PTPRT: variants seen among roughly 807,000 people sequenced by gnomAD.
The protein encoded by PTPRT is receptor-type tyrosine-protein phosphatase T.
A neutral mutation model predicts 176.8 loss-of-function variants in PTPRT; 56 were observed. That is an observed-to-expected ratio of 0.32 (90% confidence interval 0.26 to 0.40). PTPRT has a LOEUF of 0.40. PTPRT is among the 10% of genes least tolerant of loss of function. The pLI, the probability that PTPRT is intolerant of heterozygous loss-of-function variation, is 1.00. For synonymous variants in PTPRT, 783 were observed against 739.0 expected (o/e 1.06, Z -0.96); for missense variants, 1,540 against 1,908.2 (o/e 0.81, Z 3.60).
At chr20:43,019,079 G>A (rs949190993) in intron 1 of PTPRT, among the ~76,000 whole-genome samples, 1 of 151,978 alleles carries the variant, frequency 6.6e-6, no homozygotes, top group African/African-American at 2.4e-5. Flanking sequence ...CCCTACAATA[G>A]TACTGAGTAA....
At chr20:42,099,219 C>CT (rs10690128) in intron 26 of PTPRT, among the ~76,000 whole-genome samples, 51 of 151,434 alleles carry the variant, frequency 3.4e-4, no homozygotes, top group Non-Finnish European at 4.4e-4. Flanking sequence ...TTGTAGAGTG[C>CT]TTTTTTTTTG....
chr20:42,308,694 G>A (rs897811722), intron 12 of PTPRT, among the ~76,000 whole-genome samples: 1 of 152,158 alleles, frequency 6.6e-6, no homozygotes, highest in Non-Finnish European at 1.5e-5. Context: ...AACTGTTCAA[G>A]TTCACATAGC....
intron 12 of PTPRT, among the ~76,000 whole-genome samples, chr20:42,310,891 T>C (rs1171772938): frequency 1.3e-5 from 2 of 152,302 alleles, no homozygotes; most frequent in South Asian, 4.1e-4. Flanking sequence ...TGTGAACAAC[T>C]CTTGTGTCAT....
intron 1 of PTPRT, among the ~76,000 whole-genome samples, chr20:43,083,964 C>T (rs2011535642): frequency 6.6e-6 from 1 of 152,154 alleles, no homozygotes; most frequent in Non-Finnish European, 1.5e-5. Flanking sequence ...CTGCATGTGT[C>T]ACCATCCATT....
At chr20:42,130,723 G>A (rs868577687) in intron 18 of PTPRT, among the ~76,000 whole-genome samples, 8 of 152,294 alleles carry the variant, frequency 5.3e-5, no homozygotes, top group Middle Eastern at 3.4e-3. Context: ...TATACTAAAT[G>A]CGACTTTTCT....
At chr20:42,113,774 G>A (rs957978393) in intron 22 of PTPRT, among the ~76,000 whole-genome samples, 42 of 152,184 alleles carry the variant, frequency 2.8e-4, no homozygotes, top group African/African-American at 8.9e-4. Flanking sequence ...CCTTGCCTCA[G>A]GCTCTGCTTC....
At chr20:43,165,335 G>T (rs567550671) in intron 1 of PTPRT, among the ~76,000 whole-genome samples, 1 of 152,086 alleles carries the variant, frequency 6.6e-6, no homozygotes, top group Admixed American at 6.5e-5. Context: ...CTAATTTTTT[G>T]TATTTCTAAT....
chr20:42,770,530 C>T (rs1253501299), intron 5 of PTPRT, among the ~76,000 whole-genome samples: 3 of 152,150 alleles, frequency 2.0e-5, no homozygotes, highest in African/African-American at 4.8e-5. Flanking sequence ...GTGGGATGAA[C>T]AAGCAGAAAT....
chr20:42,742,196 C>CT (rs2076621654), intron 6 of PTPRT, among the ~76,000 whole-genome samples: 1 of 152,214 alleles, frequency 6.6e-6, no homozygotes, highest in African/African-American at 2.4e-5. Context: ...AAACCTGCTT[C>CT]TGATCACTGT....
chr20:42,770,635 GAAA>G (rs1247716105), intron 5 of PTPRT, among the ~76,000 whole-genome samples: 1 of 149,542 alleles, frequency 6.7e-6, no homozygotes, highest in Non-Finnish European at 1.5e-5. Flanking sequence ...TCATTTTAGT[GAAA>G]AATTCCCATA....
chr20:42,949,251 T>C (rs1204799566), intron 1 of PTPRT, among the ~76,000 whole-genome samples: 1 of 152,206 alleles, frequency 6.6e-6, no homozygotes, highest in Non-Finnish European at 1.5e-5. Context: ...CTTAGTTATT[T>C]TCTTCCCCAA....
intron 14 of PTPRT, among the ~76,000 whole-genome samples, chr20:42,245,747 A>C (rs6016727): frequency 2.6e-5 from 4 of 152,074 alleles, no homozygotes; most frequent in Non-Finnish European, 5.9e-5. Context: ...AGTGATCACA[A>C]ACCTTCAGAG....
Position 42,078,984 on chromosome 20 carries a change from C to G in PTPRT, c.*1895G>C, listed in dbSNP as rs1024137439. ...CTCTTGAGGGCCAAAGCTGTACCTTCTTGAATTCTCTGCCCCTCATGCCCT... is the reference window on the plus strand; with the variant it reads ...CTCTTGAGGGCCAAAGCTGTACCTTGTTGAATTCTCTGCCCCTCATGCCCT... On this transcript the variant is annotated 3_prime_UTR_variant, in exon 31 of 31. Transcript: ENST00000373187. 5.6e-6 allele frequency: 1 copy of G among 177,932 alleles called. No individual in the cohort carries two copies. The highest frequency in any genetic ancestry group is 1.2e-5 in the Non-Finnish European group (1 of 82,834). 11.0% of individuals were successfully genotyped at this position (177,932 alleles called of 1,614,324 possible). A position where few individuals can be genotyped will look rare whatever the true frequency, so the allele number is the denominator to read the frequency against.
intron 1 of PTPRT, among the ~76,000 whole-genome samples, chr20:42,988,747 G>A (rs535171147): frequency 1.3e-5 from 2 of 152,192 alleles, no homozygotes; most frequent in African/African-American, 2.4e-5. Flanking sequence ...TTGCAGCAGA[G>A]ATGAACATTG....
chr20:42,311,111 G>A (rs1032228388), intron 12 of PTPRT, among the ~76,000 whole-genome samples: 2 of 152,032 alleles, frequency 1.3e-5, no homozygotes, highest in Admixed American at 1.3e-4. Context: ...TTCATTATTC[G>A]ATACATTATT....
At chr20:42,322,550 T>C (rs1426938140) in intron 11 of PTPRT, among the ~76,000 whole-genome samples, 1 of 132,584 alleles carries the variant, frequency 7.5e-6, no homozygotes, top group African/African-American at 3.5e-5. Context: ...GTAAACTGGC[T>C]AGCCATATGT....
intron 6 of PTPRT, among the ~76,000 whole-genome samples, chr20:42,720,125 A>G (rs2076283380): frequency 6.6e-6 from 1 of 152,250 alleles, no homozygotes; most frequent in South Asian, 2.1e-4. Context: ...CAGGGAAAAA[A>G]GAAATCCTTC....
chr20:43,146,833 GA>G (rs1281118495), intron 1 of PTPRT, among the ~76,000 whole-genome samples: 2 of 152,192 alleles, frequency 1.3e-5, no homozygotes, highest in Middle Eastern at 3.4e-3. Context: ...CCCTACTTTA[GA>G]AGGATTGAAA....
chr20:42,142,442 A>C lies in PTPRT; in HGVS notation c.2683-440T>G, dbSNP rs1286541245. 2.0e-5 allele frequency among the ~76,000 whole-genome samples: 3 copies of C among 152,344 alleles called. No homozygotes were observed. In the Middle Eastern group the frequency reaches 0.01, roughly 518 times the overall value. On this transcript the variant is annotated intron_variant, in intron 17 of 30. Transcript: ENST00000373187. ...AAATGTGTAATTTTAGATATGAAAA[A>C]TGCTATGATGAAAATAAAGCAGAAT...
Sources: allele counts gnomAD v4.1 joint callset (sites outside exome capture counted in the v4.1 genomes callset), GRCh38; gene constraint gnomAD v4.1.1; transcripts MANE v1.5; gene names NCBI Gene and HGNC (gene_info 2026-07-23, HGNC 2026-07-21).